Variants in ZNF804B observed in about 807,000 individuals in gnomAD.
ZNF804B encodes the protein zinc finger 804B.
Under a neutral mutation model 101.4 loss-of-function variants are expected in ZNF804B, and 80 were observed. The ratio of observed to expected loss-of-function variants is 0.79; its 90% CI spans 0.66 to 0.95. ZNF804B has a LOEUF of 0.95. ZNF804B is among the 40% of genes least tolerant of loss of function. The pLI, the probability that ZNF804B is intolerant of heterozygous loss-of-function variation, is 0.00. For missense variants in ZNF804B, 1,673 were observed against 1,561.9 expected, an observed-to-expected ratio of 1.07 and a Z score of -1.20; for synonymous variants, 622 against 558.8, an observed-to-expected ratio of 1.11 and a Z score of -1.59.
chr7:89,149,342 C>G (rs1472283796), intron 1 of ZNF804B, among the ~76,000 whole-genome samples: 2 of 152,012 alleles, frequency 1.3e-5, no homozygotes, highest in Non-Finnish European at 2.9e-5. Context: ...AAGCCTTGGT[C>G]AAGAATTTCA....
chr7:89,061,784 C>A (rs1789384560), intron 1 of ZNF804B, among the ~76,000 whole-genome samples: 1 of 152,052 alleles, frequency 6.6e-6, no homozygotes, highest in Non-Finnish European at 1.5e-5. Context: ...TTATTAATAT[C>A]ATATCTTACT....
At chr7:88,857,181 C>A in intron 1 of ZNF804B, among the ~76,000 whole-genome samples, 1 of 151,956 alleles carries the variant, frequency 6.6e-6, no homozygotes, top group African/African-American at 2.4e-5. Flanking sequence ...AATTGACACC[C>A]TAACATCACA....
intron 1 of ZNF804B, among the ~76,000 whole-genome samples, chr7:89,013,429 C>T (rs1007987387): frequency 6.6e-6 from 1 of 152,170 alleles, no homozygotes; most frequent in Non-Finnish European, 1.5e-5. Context: ...CTTCTATATA[C>T]AATGAGAATC....
At chr7:89,308,190 C>A (rs1386292114) in intron 2 of ZNF804B, among the ~76,000 whole-genome samples, 1 of 152,040 alleles carries the variant, frequency 6.6e-6, no homozygotes, top group Admixed American at 6.6e-5. Flanking sequence ...TTCTGCAGTA[C>A]CTTCATGCAA....
intron 1 of ZNF804B, among the ~76,000 whole-genome samples, chr7:89,165,979 C>T (rs1242902929): frequency 2.0e-5 from 3 of 151,970 alleles, no homozygotes; most frequent in South Asian, 4.1e-4. Context: ...TTGAAAATGA[C>T]ATTTTATTTG....
At chr7:88,896,576 A>G (rs968113941) in intron 1 of ZNF804B, among the ~76,000 whole-genome samples, 2 of 151,988 alleles carry the variant, frequency 1.3e-5, no homozygotes, top group Admixed American at 6.6e-5. Context: ...ATGATTTTGT[A>G]TGTTGATATG....
chr7:89,282,981 G>T (rs892822721), intron 2 of ZNF804B, among the ~76,000 whole-genome samples: 1 of 152,152 alleles, frequency 6.6e-6, no homozygotes, highest in African/African-American at 2.4e-5. Flanking sequence ...TACCAAGTTT[G>T]TAGTGATATG....
chr7:88,873,168 G>A (rs1037791069), intron 1 of ZNF804B, among the ~76,000 whole-genome samples: 3 of 152,270 alleles, frequency 2.0e-5, no homozygotes, highest in South Asian at 2.1e-4. Flanking sequence ...CATTCTAACT[G>A]GTGTGAGATG....
intron 1 of ZNF804B, among the ~76,000 whole-genome samples, chr7:88,834,489 A>G (rs896503832): frequency 6.6e-6 from 1 of 151,788 alleles, no homozygotes; most frequent in Non-Finnish European, 1.5e-5. Flanking sequence ...GAAAACGCAC[A>G]TGATAATGGA....
At chr7:88,918,562 T>C (rs1043648093) in intron 1 of ZNF804B, among the ~76,000 whole-genome samples, 3 of 152,164 alleles carry the variant, frequency 2.0e-5, no homozygotes, top group Admixed American at 2.0e-4. Context: ...ATTTAAACAC[T>C]CATAATGGAA....
chr7:88,900,760 A>G (rs892697766), intron 1 of ZNF804B, among the ~76,000 whole-genome samples: 1 of 151,500 alleles, frequency 6.6e-6, no homozygotes, highest in Admixed American at 6.6e-5. Flanking sequence ...GATGGCCATC[A>G]TATTTTTGTT....
intron 1 of ZNF804B, among the ~76,000 whole-genome samples, chr7:88,980,350 G>T (rs755960526): frequency 6.6e-6 from 1 of 151,986 alleles, no homozygotes; most frequent in Non-Finnish European, 1.5e-5. Context: ...TTCCTGGATG[G>T]TCTTGATACT....
chr7:89,001,896 T>C (rs1788296214), intron 1 of ZNF804B, among the ~76,000 whole-genome samples: 1 of 151,754 alleles, frequency 6.6e-6, no homozygotes, highest in Admixed American at 6.6e-5. Context: ...ACAATAAATA[T>C]ATTCTTAAAA....
chr7:88,962,710 T>C (rs1463411462), intron 1 of ZNF804B, among the ~76,000 whole-genome samples: 1 of 37,618 alleles, frequency 2.7e-5, no homozygotes, highest in African/African-American at 1.2e-4. Context: ...TAAACTCACA[T>C]ATATATATAT....
chr7:89,053,750 A>G (rs1236148498), intron 1 of ZNF804B, among the ~76,000 whole-genome samples: 1 of 151,370 alleles, frequency 6.6e-6, no homozygotes, highest in Non-Finnish European at 1.5e-5. Context: ...CTGGTTTAAT[A>G]TAATTGATTG....
chr7:89,093,325 A>C (rs372641539), intron 1 of ZNF804B, among the ~76,000 whole-genome samples: 9 of 152,284 alleles, frequency 5.9e-5, no homozygotes, highest in Non-Finnish European at 1.3e-4. Flanking sequence ...TCCATTTCCA[A>C]AGTTATTTAG....
At chr7:89,286,503 G>T (rs1436267944) in intron 2 of ZNF804B, among the ~76,000 whole-genome samples, 2 of 152,200 alleles carry the variant, frequency 1.3e-5, no homozygotes, top group Non-Finnish European at 2.9e-5. Context: ...AACAGAGCCA[G>T]TCAAGAAATG....
chr7:88,961,670 C>T (rs1356030149), intron 1 of ZNF804B, among the ~76,000 whole-genome samples: 1 of 151,288 alleles, frequency 6.6e-6, no homozygotes, highest in Non-Finnish European at 1.5e-5. Context: ...CCCTCATGGG[C>T]ATGAGGTAAA....
intron 1 of ZNF804B, among the ~76,000 whole-genome samples, chr7:89,212,335 GA>G (rs1788818645): frequency 2.6e-5 from 4 of 151,184 alleles, no homozygotes; most frequent in Admixed American, 2.6e-4. Flanking sequence ...TATAGGGGAA[GA>G]AAAATAATTT....
Sources: allele counts gnomAD v4.1 joint callset (sites outside exome capture counted in the v4.1 genomes callset), GRCh38; gene constraint gnomAD v4.1.1; transcripts MANE v1.5; gene names NCBI Gene and HGNC (gene_info 2026-07-23, HGNC 2026-07-21).